MYT1L: variants seen among roughly 807,000 people sequenced by gnomAD.
MYT1L encodes myelin transcription factor 1-like protein.
A neutral mutation model predicts 126.7 loss-of-function variants in MYT1L; 12 were observed. The ratio of observed to expected loss-of-function variants is 0.09; its 90% CI spans 0.06 to 0.15. The LOEUF (loss-of-function observed/expected upper bound fraction) is 0.15. MYT1L is among the 10% of genes least tolerant of loss of function. The pLI, the probability that MYT1L is intolerant of heterozygous loss-of-function variation, is 1.00. For synonymous variants in MYT1L, 541 were observed against 604.2 expected (o/e 0.90, Z 1.53); for missense variants, 979 against 1,585.2 (o/e 0.62, Z 6.49).
At chr2:2,285,937 C>T (rs1046252337) in intron 1 of MYT1L, among the ~76,000 whole-genome samples, 29 of 152,118 alleles carry the variant, frequency 1.9e-4, no homozygotes, top group Admixed American at 1.9e-3. Context: ...GTTTCTCAGA[C>T]CCTCCAAACA....
In MYT1L at chr2:1,791,742, C is replaced by T. The variant is rs1441669030; in HGVS notation, c.*125G>A. ...GCAAGACATAAAATCATTATGAAGT[C>T]TTGTAAGCATAACACTGTTTCAAAT... is the stretch of plus-strand genomic sequence containing the variant. On this transcript the variant is annotated 3_prime_UTR_variant, in exon 25 of 25. Transcript: ENST00000647738. The surrounding 1 kb of genome is among the most constrained non-coding windows in gnomAD (Gnocchi z 6.0). The T allele has an allele frequency of 1.5e-5, 15 of 978,386 alleles. No individual in the cohort carries two copies. The South Asian group carries it at 2.4e-4, about 16-fold the overall frequency. 60.6% of individuals were successfully genotyped at this position (978,386 alleles called of 1,614,324 possible).
chr2:2,189,051 C>T (rs2092404648), intron 2 of MYT1L, among the ~76,000 whole-genome samples: 1 of 152,164 alleles, frequency 6.6e-6, no homozygotes, highest in Non-Finnish European at 1.5e-5. Context: ...ACATAGCCTC[C>T]TAACCAGCCT....
chr2:2,318,159 A>G (rs566504247), intron 1 of MYT1L, among the ~76,000 whole-genome samples: 1 of 152,312 alleles, frequency 6.6e-6, no homozygotes, highest in South Asian at 2.1e-4. Context: ...AAAGCATGAA[A>G]TTTACACTAT....
intron 4 of MYT1L, among the ~76,000 whole-genome samples, chr2:2,033,067 A>C (rs889946663): frequency 7.9e-6 from 1 of 126,428 alleles, no homozygotes; most frequent in Admixed American, 8.2e-5. Flanking sequence ...ACCCCTCGCC[A>C]GTGCCTCTCA....
chr2:2,172,368 G>A (rs925698556), intron 3 of MYT1L, among the ~76,000 whole-genome samples: 1 of 152,174 alleles, frequency 6.6e-6, no homozygotes, highest in Non-Finnish European at 1.5e-5. Context: ...CATCCTCTCA[G>A]CACCCACAAG....
chr2:2,068,781 T>TG (rs2074222502), intron 3 of MYT1L, among the ~76,000 whole-genome samples: 26 of 138,260 alleles, frequency 1.9e-4, no homozygotes, highest in African/African-American at 6.8e-4. Context: ...TTTTTTTTTT[T>TG]TTTTTTTTTT....
intron 19 of MYT1L, among the ~76,000 whole-genome samples, chr2:1,849,605 C>T (rs942797069): frequency 6.6e-6 from 1 of 152,236 alleles, no homozygotes; most frequent in Non-Finnish European, 1.5e-5. Flanking sequence ...AGGGGTGCCG[C>T]ACAGGTCCCA....
intron 4 of MYT1L, among the ~76,000 whole-genome samples, chr2:2,007,224 G>C (rs2063420097): frequency 6.6e-6 from 1 of 152,094 alleles, no homozygotes; most frequent in Admixed American, 6.6e-5. Flanking sequence ...TCACATGGTA[G>C]TTCTATTTTT....
At chr2:2,003,038 G>A (rs940467789) in intron 4 of MYT1L, among the ~76,000 whole-genome samples, 1 of 152,132 alleles carries the variant, frequency 6.6e-6, no homozygotes, top group Non-Finnish European at 1.5e-5. Flanking sequence ...AGCAGCATGA[G>A]AATGGACTAA....
At chr2:2,187,040 A>G (rs752187901) in intron 2 of MYT1L, among the ~76,000 whole-genome samples, 15 of 152,212 alleles carry the variant, frequency 9.9e-5, no homozygotes, top group Non-Finnish European at 1.8e-4. Context: ...AATGAACTTA[A>G]ACAGCAATTC....
intron 2 of MYT1L, among the ~76,000 whole-genome samples, chr2:2,271,868 A>G (rs1165437018): frequency 1.3e-5 from 2 of 152,232 alleles, no homozygotes; most frequent in Admixed American, 6.5e-5. Context: ...AGTTCAGCCC[A>G]TAATAGCGGT....
chr2:1,886,095 T>G (rs1006197476), intron 18 of MYT1L: 1 of 153,034 alleles, frequency 6.5e-6, no homozygotes, highest in Non-Finnish European at 1.5e-5. Context: ...AAGACCACAG[T>G]GTATTTAAGA....
intron 2 of MYT1L, among the ~76,000 whole-genome samples, chr2:2,267,569 C>T (rs928689082): frequency 8.5e-5 from 13 of 152,090 alleles, no homozygotes; most frequent in Admixed American, 4.6e-4. Context: ...AACAGGATTT[C>T]CTAAATGGCT....
chr2:2,295,605 C>G (rs866454661), intron 1 of MYT1L, among the ~76,000 whole-genome samples: 892 of 9,218 alleles, frequency 0.097, 2 homozygotes, highest in South Asian at 0.12. Context: ...GAGAGAGAGA[C>G]AGACAGAGAG....
At chr2:1,967,751 G>A (rs2059483859) in intron 8 of MYT1L, among the ~76,000 whole-genome samples, 1 of 152,170 alleles carries the variant, frequency 6.6e-6, no homozygotes, top group Non-Finnish European at 1.5e-5. Flanking sequence ...AAGAGGGGGT[G>A]TTTTGCTGCG....
chr2:2,143,903 T>G (rs536214675), intron 3 of MYT1L, among the ~76,000 whole-genome samples: 1 of 143,004 alleles, frequency 7.0e-6, no homozygotes, highest in Admixed American at 7.4e-5. Flanking sequence ...TAAGTGGGAA[T>G]GAAACACCGG....
At chr2:1,926,059 C>T (rs908464451) in intron 9 of MYT1L, among the ~76,000 whole-genome samples, 4 of 152,148 alleles carry the variant, frequency 2.6e-5, no homozygotes, top group Admixed American at 6.6e-5. Flanking sequence ...CAGAGCCTGC[C>T]GTGTGCTTCT....
intron 23 of MYT1L, among the ~76,000 whole-genome samples, chr2:1,794,626 C>A (rs1490268755): frequency 6.6e-6 from 1 of 152,182 alleles, no homozygotes; most frequent in Non-Finnish European, 1.5e-5. Flanking sequence ...ATCCATTCCT[C>A]CTTCAACTTA....
At chr2:2,151,543 A>T (rs933319906) in intron 3 of MYT1L, among the ~76,000 whole-genome samples, 5 of 152,210 alleles carry the variant, frequency 3.3e-5, no homozygotes, top group African/African-American at 1.2e-4. Flanking sequence ...TGAAAATACT[A>T]TAGGAAGTGC....
Sources: gnomAD v4.1 joint callset for allele counts (sites outside exome capture counted in the v4.1 genomes callset) on GRCh38, gnomAD v4.1.1 for gene constraint, Gnocchi (gnomAD v3.1) non-coding constraint, MANE v1.5 for transcripts, NCBI Gene and HGNC (gene_info 2026-07-23, HGNC 2026-07-21) for gene names.